The following GRM4 variants were observed in gnomAD, a reference collection of about 807,000 sequenced individuals.
GRM4 encodes glutamate metabotropic receptor 4, also known as metabotropic glutamate receptor 4.
A neutral mutation model predicts 81.7 loss-of-function variants in GRM4; 28 were observed. The observed-to-expected ratio is 0.34, with a 90% CI of 0.25 to 0.47. The LOEUF (loss-of-function observed/expected upper bound fraction) is 0.47. Among genes scored for constraint, GRM4 ranks in the 20% least tolerant of loss-of-function variants. The probability of loss-of-function intolerance (pLI) is 1.00; values close to 1 mark genes in which losing one functional copy is unlikely to be tolerated. For missense variants in GRM4, 948 were observed against 1,290.0 expected, an observed-to-expected ratio of 0.73 and a Z score of 4.06; for synonymous variants, 488 against 528.8, an observed-to-expected ratio of 0.92 and a Z score of 1.06.
intron 1 of GRM4, among the ~76,000 whole-genome samples, chr6:34,144,022 A>C (rs1282084222): frequency 1.3e-5 from 2 of 152,348 alleles, no homozygotes; most frequent in East Asian, 3.9e-4. Context: ...CGGTGTCCGG[A>C]AAGGCCGCGT....
At chr6:34,086,027 G>A (rs1767869961) in intron 3 of GRM4, among the ~76,000 whole-genome samples, 1 of 152,266 alleles carries the variant, frequency 6.6e-6, no homozygotes, top group Admixed American at 6.5e-5. Context: ...GCTGTGGCAA[G>A]AGCGAGGGAG....
intron 1 of GRM4, among the ~76,000 whole-genome samples, chr6:34,143,065 GC>G (rs1470025698): frequency 6.6e-6 from 1 of 152,194 alleles, no homozygotes; most frequent in African/African-American, 2.4e-5. Flanking sequence ...AAATGCAGAT[GC>G]CCCTGGAAAG....
chr6:34,151,203 G>T (rs1283369562), intron 1 of GRM4, among the ~76,000 whole-genome samples: 1 of 152,176 alleles, frequency 6.6e-6, no homozygotes, highest in Non-Finnish European at 1.5e-5. Context: ...CTGAGCACCT[G>T]GCCCTCCACT....
In GRM4 at chr6:34,039,855, G is replaced by C. The variant is rs1417770944; in HGVS notation, c.1506+323C>G. Among the ~76,000 whole-genome samples, 10 of 133,090 alleles carry C rather than the reference G, an allele frequency of 7.5e-5. 2 individuals carry two copies. The highest frequency in any genetic ancestry group is 2.9e-4 in the African/African-American group (10 of 34,752). 87.3% of individuals were successfully genotyped at this position (133,090 alleles called of 152,430 possible). On this transcript the variant is annotated intron_variant, in intron 8 of 10. Transcript: ENST00000538487. ...CCACTTGCCCACCCAAAAAGCCTTT[G>C]AGCCATTTCACACTGGTGTGAATTC...
chr6:34,120,180 T>C (rs1769752261), intron 2 of GRM4, among the ~76,000 whole-genome samples: 1 of 152,196 alleles, frequency 6.6e-6, no homozygotes, highest in African/African-American at 2.4e-5. Flanking sequence ...CCAAGGCCAC[T>C]GAATAAAGGC....
At chr6:34,134,563 T>C (rs7763244) in intron 1 of GRM4, among the ~76,000 whole-genome samples, 12,635 of 152,112 alleles carry the variant, frequency 0.083, 976 homozygotes, top group African/African-American at 0.21. Flanking sequence ...GTGGACCCTG[T>C]ACTCTCCTGC....
At chr6:34,049,103 A>G (rs1053166716) in intron 6 of GRM4, among the ~76,000 whole-genome samples, 3 of 152,004 alleles carry the variant, frequency 2.0e-5, no homozygotes, top group African/African-American at 7.3e-5. Flanking sequence ...CCTGCTTACA[A>G]TGTAGCTCCT....
chr6:34,029,055 A>G (rs1215187525), intron 9 of GRM4, among the ~76,000 whole-genome samples: 1 of 152,198 alleles, frequency 6.6e-6, no homozygotes, highest in African/African-American at 2.4e-5. Flanking sequence ...CCATTTTACA[A>G]TAGTAGAGCC....
chr6:34,040,450 G>T lies in GRM4; in HGVS notation c.1369+98C>A, dbSNP rs13208066. On this transcript the variant is annotated intron_variant, in intron 7 of 10. Transcript: ENST00000538487. Reference sequence around the variant, plus strand: ...ATTTCACCTCTTGGAAACATCAGGAGAGGCCTCCCATTCCCACCCCACAGA... The same window carrying T: ...ATTTCACCTCTTGGAAACATCAGGATAGGCCTCCCATTCCCACCCCACAGA... 7.0e-3 allele frequency: 9,953 copies of T among 1,416,028 alleles called. 78 individuals carry two copies. The highest frequency in any genetic ancestry group is 0.033 in the African/African-American group (2,323 of 70,634). The allele number at this position is 1,416,028 out of a possible 1,614,324, so 87.7% of individuals were successfully genotyped here.
chr6:34,124,594 G>A (rs1008287038), intron 2 of GRM4, among the ~76,000 whole-genome samples: 2 of 152,220 alleles, frequency 1.3e-5, no homozygotes, highest in Non-Finnish European at 2.9e-5. Flanking sequence ...CATCACTCGG[G>A]CAGCCCAGGC....
intron 3 of GRM4, among the ~76,000 whole-genome samples, chr6:34,083,476 C>T (rs1020407729): frequency 3.3e-5 from 5 of 152,336 alleles, no homozygotes; most frequent in Non-Finnish European, 7.3e-5. Flanking sequence ...TGGTGGGTCT[C>T]GTGGCTTGGC....
intron 1 of GRM4, among the ~76,000 whole-genome samples, chr6:34,137,729 A>C (rs1770516856): frequency 6.6e-6 from 1 of 150,666 alleles, no homozygotes; most frequent in Admixed American, 6.6e-5. Context: ...GACTACAGGA[A>C]TGCGCCATCA....
At chr6:34,097,781 T>C (rs934691734) in intron 2 of GRM4, among the ~76,000 whole-genome samples, 2 of 152,166 alleles carry the variant, frequency 1.3e-5, no homozygotes, top group Non-Finnish European at 2.9e-5. Context: ...TGGAGCTTTG[T>C]TCAAGACTGT....
intron 10 of GRM4, among the ~76,000 whole-genome samples, chr6:34,025,628 C>T (rs554050683): frequency 2.0e-5 from 3 of 152,252 alleles, no homozygotes; most frequent in South Asian, 2.1e-4. Context: ...AAATGGGAGC[C>T]GTGAGTCTGC....
intron 9 of GRM4, among the ~76,000 whole-genome samples, chr6:34,031,720 G>C (rs891465591): frequency 6.6e-6 from 1 of 152,204 alleles, no homozygotes; most frequent in Non-Finnish European, 1.5e-5. Flanking sequence ...TTAAGCCCTG[G>C]AAATCCGGGC....
chr6:34,078,094 T>C lies in GRM4; in HGVS notation c.736+13789A>G, dbSNP rs571979162. On this transcript the variant is annotated intron_variant, in intron 3 of 10. Coordinates refer to ENST00000538487, the MANE Select transcript of GRM4 (RefSeq NM_000841.4). This position sits in a 1 kb window ranked among gnomAD's most constrained non-coding sequence, Gnocchi z 4.8. ...ACAGATAAGCCTGCCCTCGTGGAGC[T>C]GACATCCATCTATGAAGCCAACAAT... Among the ~76,000 whole-genome samples the C allele has an allele frequency of 6.6e-6, 1 of 152,198 alleles. No individual in the cohort carries two copies. Among genetic ancestry groups the C allele is most frequent in the South Asian group, 2.1e-4 (1 of 4,828 alleles).
intron 9 of GRM4, among the ~76,000 whole-genome samples, chr6:34,029,413 G>T (rs1764302418): frequency 6.6e-6 from 1 of 152,132 alleles, no homozygotes; most frequent in African/African-American, 2.4e-5. Flanking sequence ...TTTCCTGAAG[G>T]CACAGGGGCC....
chr6:34,066,818 C>T (rs192895433), intron 3 of GRM4, among the ~76,000 whole-genome samples: 1 of 152,170 alleles, frequency 6.6e-6, no homozygotes, highest in Admixed American at 6.5e-5. Context: ...CCCAGCTGGA[C>T]AAAACTTTTA....
intron 2 of GRM4, among the ~76,000 whole-genome samples, chr6:34,097,529 G>A (rs1273275461): frequency 1.3e-5 from 2 of 152,208 alleles, no homozygotes; most frequent in African/African-American, 4.8e-5. Context: ...GGCCCAGCCA[G>A]CAGCCTCACA....
Sources: gnomAD v4.1 joint callset for allele counts (sites outside exome capture counted in the v4.1 genomes callset) on GRCh38, gnomAD v4.1.1 for gene constraint, Gnocchi (gnomAD v3.1) non-coding constraint, MANE v1.5 for transcripts, NCBI Gene and HGNC (gene_info 2026-07-23, HGNC 2026-07-21) for gene names.